Variants in RNF38 observed in about 807,000 individuals in gnomAD.
The protein encoded by RNF38 is E3 ubiquitin-protein ligase RNF38.
Under a neutral mutation model 67.2 loss-of-function variants are expected in RNF38, and 15 were observed. The ratio of observed to expected loss-of-function variants is 0.22; its 90% CI spans 0.15 to 0.34. The LOEUF (loss-of-function observed/expected upper bound fraction) is 0.34. RNF38 is among the 10% of genes least tolerant of loss of function. RNF38 has a pLI of 1.00. For synonymous variants in RNF38, 220 were observed against 218.8 expected, an observed-to-expected ratio of 1.01 and a Z score of -0.05; for missense variants, 524 against 639.9, an observed-to-expected ratio of 0.82 and a Z score of 1.95.
chr9:36,359,566 G>A (rs1834367663), intron 4 of RNF38, among the ~76,000 whole-genome samples: 1 of 152,034 alleles, frequency 6.6e-6, no homozygotes, highest in Non-Finnish European at 1.5e-5. Flanking sequence ...TATCTTACTG[G>A]AAGAGTTAGC....
chr9:36,433,629 G>A (rs1489714769), intron 1 of RNF38, among the ~76,000 whole-genome samples: 1 of 148,224 alleles, frequency 6.7e-6, no homozygotes, highest in East Asian at 2.0e-4. Context: ...GGAAGTTGTA[G>A]TAAGCTGAGA....
At position 36,390,552 on chromosome 9, in the gene RNF38, A is replaced by C; in HGVS notation, c.77T>G (p.Val26Gly). The C allele has an allele frequency of 6.2e-7, 1 of 1,614,018 alleles. No homozygotes were observed. Among genetic ancestry groups the C allele is most frequent in the Non-Finnish European group, 8.5e-7 (1 of 1,179,952 alleles). ...GHPNKVICER[V>G]RLQSLFPLLP... is the part of the protein sequence containing the mutation. ...GAGAGGGAACAGGCTCTGAAGTCTC[A>C]CCCTTTCACAAATCACCTTGTTAGG... Residue 26 changes from valine (V) to glycine (G), a missense_variant, in exon 2 of 12, where the codon GTG becomes GGG. Physicochemically the swap from Val to Gly is moderately radical, Grantham distance 109. Transcript: ENST00000259605.
At chr9:36,469,233 T>TAG (rs1299974331) in intron 1 of RNF38, among the ~76,000 whole-genome samples, 5 of 152,138 alleles carry the variant, frequency 3.3e-5, no homozygotes, top group Non-Finnish European at 7.3e-5. Context: ...CCTTTCTATA[T>TAG]AGAGAGAGAG....
At chr9:36,381,889 C>T (rs375178239) in intron 2 of RNF38, among the ~76,000 whole-genome samples, 1 of 152,156 alleles carries the variant, frequency 6.6e-6, no homozygotes, top group South Asian at 2.1e-4. Flanking sequence ...CAGAATAAAC[C>T]TCTTTAAAAT....
intron 2 of RNF38, among the ~76,000 whole-genome samples, chr9:36,390,221 C>A (rs574572115): frequency 1.3e-5 from 2 of 152,048 alleles, no homozygotes; most frequent in Non-Finnish European, 2.9e-5. Flanking sequence ...GATTTAAGAC[C>A]AAAAGATCAA....
chr9:36,347,470 AT>A (rs1251941377), intron 9 of RNF38, among the ~76,000 whole-genome samples: 4 of 152,164 alleles, frequency 2.6e-5, no homozygotes, highest in Non-Finnish European at 1.5e-5. Context: ...CTGGTGTCAC[AT>A]TTTGGTAATT....
chr9:36,380,590 T>G (rs1347352507), intron 2 of RNF38, among the ~76,000 whole-genome samples: 1 of 152,078 alleles, frequency 6.6e-6, no homozygotes, highest in Non-Finnish European at 1.5e-5. Flanking sequence ...CATCCCGGGC[T>G]AAAGAGATGC....
intron 1 of RNF38, among the ~76,000 whole-genome samples, chr9:36,442,697 T>C (rs925223922): frequency 6.6e-6 from 1 of 152,316 alleles, no homozygotes; most frequent in East Asian, 1.9e-4. Flanking sequence ...GAGAATCACT[T>C]GAACCTGGAA....
chr9:36,396,101 C>G (rs1170768080), intron 1 of RNF38, among the ~76,000 whole-genome samples: 2 of 152,194 alleles, frequency 1.3e-5, no homozygotes, highest in Admixed American at 1.3e-4. Flanking sequence ...ATGTCCTGTT[C>G]AGCACAATGT....
intron 2 of RNF38, 48 bp downstream of exon 2, chr9:36,390,419 G>C (rs750499562): frequency 5.3e-6 from 8 of 1,521,656 alleles, no homozygotes; most frequent in Non-Finnish European, 6.2e-6. Flanking sequence ...AAACACTGTA[G>C]AATGTGACTT....
At chr9:36,413,553 CAGT>C (rs1488470782) in intron 2 of RNF38, among the ~76,000 whole-genome samples, 1 of 152,160 alleles carries the variant, frequency 6.6e-6, no homozygotes, top group Non-Finnish European at 1.5e-5. Context: ...ACAGAAATAT[CAGT>C]GGTTGCTGGG....
chr9:36,456,508 G>A (rs923844362), intron 1 of RNF38, among the ~76,000 whole-genome samples: 2 of 150,598 alleles, frequency 1.3e-5, no homozygotes, highest in South Asian at 4.3e-4. Flanking sequence ...ACTTTTTGAT[G>A]CTATAGAATC....
chr9:36,386,378 A>G (rs1309061460), intron 2 of RNF38, among the ~76,000 whole-genome samples: 1 of 152,244 alleles, frequency 6.6e-6, no homozygotes, highest in Non-Finnish European at 1.5e-5. Context: ...AAATTTCATT[A>G]AGTCTACAAA....
intron 1 of RNF38, among the ~76,000 whole-genome samples, chr9:36,434,260 G>A (rs1205879466): frequency 2.4e-5 from 3 of 124,764 alleles, no homozygotes; most frequent in African/African-American, 9.2e-5. Flanking sequence ...GGGGAGGGGA[G>A]AGGGGAGGGG....
chr9:36,427,868 G>A (rs1426988636), intron 1 of RNF38, among the ~76,000 whole-genome samples: 1 of 151,530 alleles, frequency 6.6e-6, no homozygotes, highest in Non-Finnish European at 1.5e-5. Flanking sequence ...GTACCACCAT[G>A]CCTGGCTAAT....
In RNF38 at chr9:36,353,364, A is replaced by G. The variant is rs762976845; in HGVS notation, c.910-33T>C. 90 of 1,115,200 alleles carry G rather than the reference A, an allele frequency of 8.1e-5. 1 individual carries two copies. Among genetic ancestry groups the G allele is most frequent in the African/African-American group, 6.8e-4 (42 of 62,044 alleles). 69.1% of individuals were successfully genotyped at this position (1,115,200 alleles called of 1,614,324 possible). The stretch of plus-strand genomic sequence containing the variant: ...GGGGGAAAAAAAAACACATATATGT[A>G]TATATATATATACTTCCTGTGTTTA... On this transcript the variant is annotated intron_variant, in intron 6 of 11. Coordinates refer to ENST00000259605, the MANE Select transcript of RNF38 (RefSeq NM_022781.5).
intron 7 of RNF38, 40 bp downstream of exon 7, chr9:36,353,118 ACAAGTAAGTTGC>A: frequency 6.9e-7 from 1 of 1,451,930 alleles, no homozygotes; most frequent in Non-Finnish European, 9.7e-7. Context: ...ATAACTCAGA[ACAAGTAAGTTGC>A]CAAAGCAAGT....
intron 9 of RNF38, among the ~76,000 whole-genome samples, chr9:36,345,184 A>G (rs371552783): frequency 4.7e-4 from 71 of 152,286 alleles, no homozygotes; most frequent in Middle Eastern, 3.4e-3. Flanking sequence ...AGCCCTATTA[A>G]AATAATTTTT....
chr9:36,395,225 T>C (rs1388081431), intron 1 of RNF38, among the ~76,000 whole-genome samples: 2 of 152,216 alleles, frequency 1.3e-5, no homozygotes, highest in African/African-American at 2.4e-5. Context: ...GACTTGCAGG[T>C]ATTATTAGTA....
Sources: gnomAD v4.1 joint callset for allele counts (sites outside exome capture counted in the v4.1 genomes callset) on GRCh38, gnomAD v4.1.1 for gene constraint, MANE v1.5 for transcripts, NCBI Gene and HGNC (gene_info 2026-07-23, HGNC 2026-07-21) for gene names.